EYS: variants seen among roughly 807,000 people sequenced by gnomAD.
EYS encodes the protein EGF-like photoreceptor maintenance factor.
A neutral mutation model predicts 282.1 loss-of-function variants in EYS; 250 were observed. That is an observed-to-expected ratio of 0.89 (90% CI 0.80 to 0.98). EYS has a LOEUF of 0.98. Ranked by LOEUF, EYS falls within the 50% of genes least tolerant of loss-of-function variation. EYS has a pLI of 0.00. For missense variants in EYS, 4,016 were observed against 3,709.0 expected, an observed-to-expected ratio of 1.08 and a Z score of -2.15; for synonymous variants, 1,355 against 1,282.9, an observed-to-expected ratio of 1.06 and a Z score of -1.20.
chr6:64,059,691 T>C (rs1034435423), intron 33 of EYS, among the ~76,000 whole-genome samples: 1 of 152,218 alleles, frequency 6.6e-6, no homozygotes, highest in African/African-American at 2.4e-5. Context: ...TTAAAGATTT[T>C]CTTAAGCTTA....
intron 41 of EYS, among the ~76,000 whole-genome samples, chr6:63,762,092 TTTTGA>T (rs1769657093): frequency 6.6e-6 from 1 of 151,958 alleles, no homozygotes; most frequent in Admixed American, 6.6e-5. Flanking sequence ...TTTCTGACAG[TTTTGA>T]GTGAGATGGA....
intron 30 of EYS, among the ~76,000 whole-genome samples, chr6:64,295,190 T>A (rs1210372133): frequency 6.6e-6 from 1 of 150,752 alleles, no homozygotes; most frequent in Non-Finnish European, 1.5e-5. Flanking sequence ...CTGGCTAACA[T>A]GGTGAAACCC....
chr6:64,936,113 A>G (rs1768897903), intron 15 of EYS, among the ~76,000 whole-genome samples: 1 of 151,698 alleles, frequency 6.6e-6, no homozygotes, highest in Non-Finnish European at 1.5e-5. Flanking sequence ...TGGGACATAT[A>G]TTAGTTCTGC....
At chr6:63,925,756 G>C (rs1177444695) in intron 35 of EYS, among the ~76,000 whole-genome samples, 1 of 152,206 alleles carries the variant, frequency 6.6e-6, no homozygotes, top group African/African-American at 2.4e-5. Context: ...CCATTCTCCT[G>C]CCTCAGCCTC....
chr6:65,683,777 C>A (rs1768912871), intron 1 of EYS, among the ~76,000 whole-genome samples: 1 of 151,922 alleles, frequency 6.6e-6, no homozygotes, highest in Admixed American at 6.6e-5. Flanking sequence ...TTCCACAACC[C>A]ACTGGGTCTA....
chr6:65,041,040 C>T (rs1326038957), intron 13 of EYS, among the ~76,000 whole-genome samples: 2 of 151,768 alleles, frequency 1.3e-5, no homozygotes, highest in Non-Finnish European at 2.9e-5. Flanking sequence ...TACTTTACTA[C>T]AGTTTCTCTG....
chr6:65,085,650 T>A (rs1774343593), intron 12 of EYS, among the ~76,000 whole-genome samples: 1 of 152,158 alleles, frequency 6.6e-6, no homozygotes, highest in African/African-American at 2.4e-5. Context: ...ATCTAAATTG[T>A]TTGATGACTT....
chr6:64,226,735 C>T (rs1348315744), intron 31 of EYS, among the ~76,000 whole-genome samples: 1 of 152,070 alleles, frequency 6.6e-6, no homozygotes, highest in Non-Finnish European at 1.5e-5. Context: ...CAAACTAATT[C>T]TATAAGTCAA....
At chr6:65,369,915 T>C (rs1458071005) in intron 8 of EYS, among the ~76,000 whole-genome samples, 1 of 151,740 alleles carries the variant, frequency 6.6e-6, no homozygotes, top group Non-Finnish European at 1.5e-5. Context: ...GCACAAATTA[T>C]GGCACTGACA....
At chr6:65,623,614 T>C (rs1333028101) in intron 2 of EYS, among the ~76,000 whole-genome samples, 4 of 152,126 alleles carry the variant, frequency 2.6e-5, no homozygotes, top group African/African-American at 9.7e-5. Flanking sequence ...GAAAAAAAAA[T>C]TGAAGCGATA....
rs147389044 is a variant in EYS at position 64,543,399 on chromosome 6, C to CT, written c.5644+46823dup. 1.7e-3 allele frequency among the ~76,000 whole-genome samples: 251 copies of CT among 151,996 alleles called. 2 individuals are homozygous for CT. The highest frequency in any genetic ancestry group is 0.016 in the East Asian group (81 of 5,168). On this transcript the variant is annotated intron_variant, in intron 26 of 42. Coordinates refer to ENST00000503581, the MANE Select transcript of EYS (RefSeq NM_001142800.2). ...CCTATATTGTAGTTAAAGAAATTGGCTTTTTTCCTTGATTTATAATGATTT... is the reference window on the plus strand; with the variant it reads ...CCTATATTGTAGTTAAAGAAATTGGCTTTTTTTCCTTGATTTATAATGATTT...
chr6:65,198,337 T>G (rs1765819725), intron 12 of EYS, among the ~76,000 whole-genome samples: 1 of 152,170 alleles, frequency 6.6e-6, no homozygotes, highest in Non-Finnish European at 1.5e-5. Context: ...GTGAACTTTT[T>G]GTTATAAATA....
In EYS at chr6:65,626,904, A is replaced by C. The variant is rs9445559; in HGVS notation, c.-333+12874T>G. ...GGAAATGGGCATATTATGTAAAAAA[A>C]ACACACACACACACACACAAAAAAC... On this transcript the variant is annotated intron_variant, in intron 2 of 42. Coordinates refer to ENST00000503581, the MANE Select transcript of EYS (RefSeq NM_001142800.2). 4.1e-3 allele frequency among the ~76,000 whole-genome samples: 411 copies of C among 101,062 alleles called. 7 individuals are homozygous for C. Among genetic ancestry groups the C allele is most frequent in the South Asian group, 0.03 (102 of 3,350 alleles). The allele number at this position is 101,062 out of a possible 152,430, so 66.3% of individuals were successfully genotyped here.
intron 1 of EYS, among the ~76,000 whole-genome samples, chr6:65,653,225 G>C (rs1443432640): frequency 1.3e-5 from 2 of 151,710 alleles, no homozygotes; most frequent in Non-Finnish European, 2.9e-5. Flanking sequence ...CAGATGACAG[G>C]GTTGCCCAGA....
intron 30 of EYS, among the ~76,000 whole-genome samples, chr6:64,287,045 C>T (rs1768528586): frequency 1.3e-5 from 2 of 152,222 alleles, no homozygotes; most frequent in African/African-American, 4.8e-5. Context: ...ACAAAAACTC[C>T]AACCTTTATT....
rs943769126 is a variant in EYS, at chr6:65,217,086, A to C, written c.2023+78777T>G. ...TTAAGCAAGACCAGGTGAATGAGGC[A>C]ATCAAAATATTTTAATAGTGTATCC... On this transcript the variant is annotated intron_variant, in intron 12 of 42. Transcript: ENST00000503581. Among the ~76,000 whole-genome samples the C allele has an allele frequency of 1.4e-4, 21 of 152,058 alleles. 1 individual carries two copies. The highest frequency in any genetic ancestry group is 4.6e-4 in the Admixed American group (7 of 15,254).
At chr6:65,491,855 G>A (rs939185588) in intron 4 of EYS, among the ~76,000 whole-genome samples, 12 of 152,088 alleles carry the variant, frequency 7.9e-5, no homozygotes, top group Admixed American at 3.9e-4. Flanking sequence ...AATAAGGTCA[G>A]TAGGGTGCGT....
chr6:64,313,009 A>C (rs1044878003), intron 29 of EYS, among the ~76,000 whole-genome samples: 1 of 152,354 alleles, frequency 6.6e-6, no homozygotes, highest in African/African-American at 2.4e-5. Flanking sequence ...CAGCAAGGGA[A>C]CAAAACTGGA....
chr6:64,209,802 C>A (rs932830019), intron 31 of EYS, among the ~76,000 whole-genome samples: 1 of 152,154 alleles, frequency 6.6e-6, no homozygotes, highest in African/African-American at 2.4e-5. Flanking sequence ...AGCTTATTTT[C>A]AAATCACCTC....
Sources: gnomAD v4.1 joint callset for allele counts (sites outside exome capture counted in the v4.1 genomes callset) on GRCh38, gnomAD v4.1.1 for gene constraint, MANE v1.5 for transcripts, NCBI Gene and HGNC (gene_info 2026-07-23, HGNC 2026-07-21) for gene names.